Variants in REPS2 observed in about 807,000 individuals in gnomAD.
The protein encoded by REPS2 is RALBP1 associated Eps domain containing 2.
A neutral mutation model predicts 53.6 loss-of-function variants in REPS2; 23 were observed. The observed-to-expected ratio is 0.43, with a 90% CI of 0.31 to 0.61. The LOEUF (loss-of-function observed/expected upper bound fraction) is 0.61. REPS2 is among the 20% of genes least tolerant of loss of function. REPS2 has a pLI of 0.11. For synonymous variants in REPS2, 238 were observed against 218.6 expected (o/e 1.09, Z -0.78); for missense variants, 446 against 534.9 (o/e 0.83, Z 1.64).
At chrX:17,187,856 T>C in the REPS2 span, among the ~76,000 whole-genome samples, 1 of 112,662 alleles carries the variant, frequency 8.9e-6, no homozygotes, top group Non-Finnish European at 1.9e-5. Context: ...ATGTTTTAAA[T>C]AGAAATTATT....
At chrX:16,953,547 T>C (rs1243079151) in intron 1 of REPS2, among the ~76,000 whole-genome samples, 4 of 112,200 alleles carry the variant, frequency 3.6e-5, no homozygotes, top group African/African-American at 1.3e-4. Context: ...TATATTTGTG[T>C]ATATATAAAT....
the REPS2 span, among the ~76,000 whole-genome samples, chrX:17,194,871 C>T: frequency 8.9e-6 from 1 of 112,166 alleles, no homozygotes; most frequent in African/African-American, 3.2e-5. Context: ...TATCTTATGA[C>T]TTCATCTAAA....
chrX:17,129,986 G>C (rs565941826), intron 14 of REPS2, among the ~76,000 whole-genome samples: 1 of 112,037 alleles, frequency 8.9e-6, no homozygotes, highest in African/African-American at 3.2e-5. Context: ...GGCTGCATGC[G>C]TAGACTTGGG....
At chrX:17,175,970 A>T in the REPS2 span, among the ~76,000 whole-genome samples, 1,669 of 112,040 alleles carry the variant, frequency 0.015, 33 homozygotes, top group African/African-American at 0.049. Context: ...ATTAGCCAGA[A>T]CTCAGTCACA....
the REPS2 span, among the ~76,000 whole-genome samples, chrX:17,164,874 C>G: frequency 2.7e-5 from 3 of 111,354 alleles, no homozygotes; most frequent in Non-Finnish European, 5.7e-5. Flanking sequence ...AATAGAGAAA[C>G]CAAAATCTGG....
chrX:16,951,553 ACACACACC>A lies in REPS2; in HGVS notation c.273+4421_273+4428del, dbSNP rs1277353202. The stretch of plus-strand genomic sequence containing the variant: ...CACACACACACACACACACACACAC[ACACACACC>A]CCCGCTACCTACCTCTCTCTGGGGC... On this transcript the variant is annotated intron_variant, in intron 1 of 17. Transcript: ENST00000357277. Among the ~76,000 whole-genome samples, 256 of 27,499 alleles carry A rather than the reference ACACACACC, an allele frequency of 9.3e-3. 7 individuals are homozygous for A. Among genetic ancestry groups the A allele is most frequent in the South Asian group, 0.038 (16 of 423 alleles). 23.9% of individuals were successfully genotyped at this position (27,499 alleles called of 115,157 possible).
chrX:16,949,842 A>G (rs1439337461), intron 1 of REPS2, among the ~76,000 whole-genome samples: 1 of 111,341 alleles, frequency 9.0e-6, no homozygotes, highest in East Asian at 2.8e-4. Context: ...CCCACATCAG[A>G]ATAATAGAGT....
At chrX:17,194,510 A>G in the REPS2 span, among the ~76,000 whole-genome samples, 3 of 112,416 alleles carry the variant, frequency 2.7e-5, no homozygotes, top group Admixed American at 9.4e-5. Flanking sequence ...TTCCATTTAT[A>G]TAATATTTTG....
intron 13 of REPS2, among the ~76,000 whole-genome samples, chrX:17,086,130 T>G (rs1338848646): frequency 1.8e-5 from 2 of 111,996 alleles, no homozygotes; most frequent in Middle Eastern, 9.3e-3. Context: ...CCTTGTAGAC[T>G]TTTTCACATT....
chrX:17,038,475 T>C (rs146952919), intron 5 of REPS2, among the ~76,000 whole-genome samples: 3 of 111,908 alleles, frequency 2.7e-5, no homozygotes, highest in East Asian at 5.6e-4. Flanking sequence ...AGCTACAGCA[T>C]TGGGAAACTG....
the REPS2 span, among the ~76,000 whole-genome samples, chrX:17,163,439 C>G: frequency 1.8e-5 from 2 of 111,605 alleles, no homozygotes; most frequent in African/African-American, 6.5e-5. Context: ...ATGGGTGAAA[C>G]CTTCCCAAAT....
In REPS2 at chrX:17,112,870, C is replaced by T. The variant is rs139471811; in HGVS notation, c.1578+9091C>T. 6.3e-3 allele frequency among the ~76,000 whole-genome samples: 690 copies of T among 108,874 alleles called. 32 individuals carry two copies. In the East Asian group the frequency reaches 0.13, roughly 20 times the overall value. 94.5% of individuals were successfully genotyped at this position (108,874 alleles called of 115,157 possible). On this transcript the variant is annotated intron_variant, in intron 14 of 17. Coordinates refer to ENST00000357277, the MANE Select transcript of REPS2 (RefSeq NM_004726.3). ...TTGGGAAACCAAGACGGGTGGATCACGAGGTCAGGAGATCAAGACCATCCT... is the reference window on the plus strand; with the variant it reads ...TTGGGAAACCAAGACGGGTGGATCATGAGGTCAGGAGATCAAGACCATCCT...
Position 17,000,932 on chromosome X carries a change from A to G in REPS2, c.274-5289A>G, listed in dbSNP as rs892873793. Reference sequence around the variant, plus strand: ...TTTGACCCATGAGCGGTAGTTTTCCAACCACTGATGTAATGGAAAGACCAT... The same window carrying G: ...TTTGACCCATGAGCGGTAGTTTTCCGACCACTGATGTAATGGAAAGACCAT... On this transcript the variant is annotated intron_variant, in intron 1 of 17. Transcript: ENST00000357277. 2.7e-5 allele frequency among the ~76,000 whole-genome samples: 3 copies of G among 112,048 alleles called. No homozygotes were observed. The Admixed American group carries it at 2.8e-4, about 11-fold the overall frequency.
Position 16,957,775 on chromosome X carries a change from C to T in REPS2, c.273+10641C>T, listed in dbSNP as rs148181147. On this transcript the variant is annotated intron_variant, in intron 1 of 17. Coordinates refer to ENST00000357277, the MANE Select transcript of REPS2 (RefSeq NM_004726.3). ...TTGTTCGAGATCCAGATTTTTTAGT[C>T]TCAGCATGACTGACACTTTGGGGCT... Among the ~76,000 whole-genome samples, 637 of 111,769 alleles carry T rather than the reference C, an allele frequency of 5.7e-3. 6 individuals are homozygous for T. The highest frequency in any genetic ancestry group is 0.02 in the African/African-American group (608 of 30,722).
chrX:17,135,487 C>T lies in REPS2; in HGVS notation c.1808+81C>T, dbSNP rs769516038. ...GGATATGTAAATGTGTTGACATTTA[C>T]GTGCGCACCAACAGAAGGATTTCAT... On this transcript the variant is annotated intron_variant, in intron 16 of 17. Coordinates refer to ENST00000357277, the MANE Select transcript of REPS2 (RefSeq NM_004726.3). The T allele has an allele frequency of 7.0e-5, 71 of 1,020,658 alleles. No homozygotes were observed. The South Asian group carries it at 1.4e-3, about 20-fold the overall frequency. 84.1% of individuals were successfully genotyped at this position (1,020,658 alleles called of 1,213,427 possible). A position where few individuals can be genotyped will look rare whatever the true frequency, so the allele number is the denominator to read the frequency against.
At chrX:16,963,096 C>G (rs1313644761) in intron 1 of REPS2, among the ~76,000 whole-genome samples, 2 of 109,489 alleles carry the variant, frequency 1.8e-5, no homozygotes, top group Non-Finnish European at 3.8e-5. Context: ...GAGACCCTGT[C>G]TCTTAAAAAA....
intron 1 of REPS2, among the ~76,000 whole-genome samples, chrX:16,957,460 G>C (rs1227524046): frequency 9.1e-6 from 1 of 110,437 alleles, no homozygotes; most frequent in Non-Finnish European, 1.9e-5. Flanking sequence ...GAGATGTGTA[G>C]TGCTTGCCCC....
chrX:16,969,781 A>G (rs865788285), intron 1 of REPS2, among the ~76,000 whole-genome samples: 1 of 72,382 alleles, frequency 1.4e-5, no homozygotes, highest in South Asian at 9.8e-4. Context: ...AGGGAGAGGG[A>G]GAGAGGGAGA....
chrX:17,016,799 G>C (rs1182716425), intron 2 of REPS2, among the ~76,000 whole-genome samples: 1 of 56,963 alleles, frequency 1.8e-5, no homozygotes. Flanking sequence ...TTCAAACATT[G>C]TGCTTGCGGG....
Sources: allele counts gnomAD v4.1 joint callset (sites outside exome capture counted in the v4.1 genomes callset), GRCh38; gene constraint gnomAD v4.1.1; transcripts MANE v1.5; gene names NCBI Gene and HGNC (gene_info 2026-07-23, HGNC 2026-07-21).